Variants in CAP2 observed in about 807,000 individuals in gnomAD.
CAP2 encodes adenylyl cyclase-associated protein 2.
In CAP2, 24 loss-of-function variants were observed where a neutral mutation model predicts 57.7. The ratio of observed to expected loss-of-function variants is 0.42; its 90% CI spans 0.30 to 0.58. The LOEUF (loss-of-function observed/expected upper bound fraction) is 0.58, where lower values mean the gene tolerates loss of function less well. Among genes scored for constraint, CAP2 ranks in the 20% least tolerant of loss-of-function variants. The pLI, the probability that CAP2 is intolerant of heterozygous loss-of-function variation, is 0.22. For synonymous variants in CAP2, 194 were observed against 207.2 expected (o/e 0.94, Z 0.55); for missense variants, 501 against 590.3 (o/e 0.85, Z 1.57).
chr6:17,482,381 C>T (rs892975775), intron 4 of CAP2, among the ~76,000 whole-genome samples: 9 of 151,790 alleles, frequency 5.9e-5, no homozygotes, highest in African/African-American at 1.7e-4. Flanking sequence ...TGGTGGCGTG[C>T]GCCTGTAGTC....
chr6:17,466,554 C>T (rs1760869456), intron 4 of CAP2, among the ~76,000 whole-genome samples: 1 of 152,210 alleles, frequency 6.6e-6, no homozygotes, highest in Admixed American at 6.5e-5. Context: ...ACCACTGCTT[C>T]TCAAACTTCA....
chr6:17,541,204 C>A, intron 9 of CAP2, 56 bp downstream of exon 9: 1 of 1,343,452 alleles, frequency 7.4e-7, no homozygotes, highest in South Asian at 1.4e-5. Flanking sequence ...AAAGGACCAA[C>A]AGCCAAACCA....
chr6:17,539,205 G>A (rs1762842419), intron 7 of CAP2, 64 bp from the exon 8 acceptor site: 43 of 1,492,754 alleles, frequency 2.9e-5, no homozygotes, highest in Non-Finnish European at 3.6e-5. Flanking sequence ...CGACTCTCTC[G>A]GGCAAAATCC....
Position 17,491,012 on chromosome 6 carries a change from C to T in CAP2, c.301-16157C>T, listed in dbSNP as rs369154526. ...TGGGTAAACCACAGGACGTGTGCTA[C>T]TAAAAGAAATCTGTTTCTCTTTCAT... is the stretch of plus-strand genomic sequence containing the variant. On this transcript the variant is annotated intron_variant, in intron 4 of 12. Transcript: ENST00000229922. 1.1e-4 allele frequency among the ~76,000 whole-genome samples: 17 copies of T among 152,316 alleles called. No individual in the cohort carries two copies. The South Asian group carries it at 3.5e-3, about 32-fold the overall frequency.
intron 4 of CAP2, among the ~76,000 whole-genome samples, chr6:17,502,638 T>G (rs1761855522): frequency 6.6e-6 from 1 of 152,156 alleles, no homozygotes; most frequent in Non-Finnish European, 1.5e-5. Context: ...CTCTGTCTCC[T>G]CAGACTTTAG....
At chr6:17,401,521 G>T (rs912439654) in intron 1 of CAP2, among the ~76,000 whole-genome samples, 5 of 152,132 alleles carry the variant, frequency 3.3e-5, no homozygotes, top group African/African-American at 1.2e-4. Flanking sequence ...TCCTGGTATT[G>T]CTACTCACCC....
chr6:17,517,451 CTTA>C (rs1245745533), intron 7 of CAP2, among the ~76,000 whole-genome samples: 1 of 152,162 alleles, frequency 6.6e-6, no homozygotes, highest in African/African-American at 2.4e-5. Context: ...AAAGTGAATA[CTTA>C]TTATGTTCAA....
At chr6:17,534,281 T>C (rs1762717847) in intron 7 of CAP2, among the ~76,000 whole-genome samples, 1 of 152,252 alleles carries the variant, frequency 6.6e-6, no homozygotes, top group Non-Finnish European at 1.5e-5. Context: ...ATTCTGATAA[T>C]TTACAAGTAA....
intron 1 of CAP2, among the ~76,000 whole-genome samples, chr6:17,410,526 A>G (rs903251816): frequency 6.6e-5 from 10 of 151,884 alleles, no homozygotes; most frequent in Admixed American, 5.2e-4. Context: ...TTTCACCACC[A>G]CTTCTGACCA....
chr6:17,438,584 G>A (rs1453235840), intron 3 of CAP2, among the ~76,000 whole-genome samples: 6 of 144,152 alleles, frequency 4.2e-5, no homozygotes, highest in Admixed American at 1.4e-4. Flanking sequence ...GACTACAGGC[G>A]CCCACAACCA....
chr6:17,506,490 A>G (rs11963904), intron 4 of CAP2, among the ~76,000 whole-genome samples: 1 of 152,168 alleles, frequency 6.6e-6, no homozygotes, highest in South Asian at 2.1e-4. Context: ...TAAAAATAAA[A>G]TTATCTGGGC....
chr6:17,464,305 G>A (rs991188065), intron 4 of CAP2, among the ~76,000 whole-genome samples: 5 of 152,140 alleles, frequency 3.3e-5, no homozygotes, highest in African/African-American at 1.2e-4. Context: ...AATAAATTGA[G>A]CATATGTTAT....
At chr6:17,483,526 G>A (rs538515445) in intron 4 of CAP2, among the ~76,000 whole-genome samples, 23 of 152,276 alleles carry the variant, frequency 1.5e-4, no homozygotes, top group African/African-American at 4.6e-4. Flanking sequence ...ACAAGGTGAC[G>A]TCAAAGGACA....
chr6:17,524,893 CTTTT>C (rs11325666), intron 7 of CAP2, among the ~76,000 whole-genome samples: 3 of 109,618 alleles, frequency 2.7e-5, no homozygotes, highest in African/African-American at 3.6e-5. Context: ...CTTTTCTTTT[CTTTT>C]TTTTTTTTTT....
intron 10 of CAP2, 32 bp from the exon 11 acceptor site, chr6:17,543,029 T>G (rs774807895): frequency 6.2e-7 from 1 of 1,612,432 alleles, no homozygotes; most frequent in Admixed American, 1.7e-5. Flanking sequence ...TTTAGTGGAG[T>G]TGGTTTTTTG....
intron 1 of CAP2, among the ~76,000 whole-genome samples, chr6:17,414,066 A>AG (rs1248395274): frequency 6.6e-6 from 1 of 152,094 alleles, no homozygotes; most frequent in Non-Finnish European, 1.5e-5. Flanking sequence ...AAAAAAAAAA[A>AG]AAGAGTTTAA....
rs1760770800 is a variant in CAP2, at chr6:17,463,097, A to G, written c.300+24A>G. The G allele has an allele frequency of 2.6e-6, 4 of 1,533,648 alleles. No homozygotes were observed. In the East Asian group the frequency reaches 9.0e-5, roughly 34 times the overall value. On this transcript the variant is annotated intron_variant, in intron 4 of 12. Coordinates refer to ENST00000229922, the MANE Select transcript of CAP2 (RefSeq NM_006366.3). ...AGGTAAGAGAGTGTCCTGAGAGGGA[A>G]GGTGTCCCAGGGTATGCGCAGTGTA...
At chr6:17,397,626 C>T (rs1004318542) in intron 1 of CAP2, among the ~76,000 whole-genome samples, 4 of 128,616 alleles carry the variant, frequency 3.1e-5, no homozygotes, top group Non-Finnish European at 6.2e-5. Flanking sequence ...ACCCGGGAGG[C>T]GGGGCTTGCA....
chr6:17,541,201 C>A, intron 9 of CAP2, 53 bp downstream of exon 9: 2 of 1,388,422 alleles, frequency 1.4e-6, no homozygotes, highest in Non-Finnish European at 2.0e-6. Flanking sequence ...ATGAAAGGAC[C>A]AACAGCCAAA....
Sources: gnomAD v4.1 joint callset for allele counts (sites outside exome capture counted in the v4.1 genomes callset) on GRCh38, gnomAD v4.1.1 for gene constraint, MANE v1.5 for transcripts, NCBI Gene and HGNC (gene_info 2026-07-23, HGNC 2026-07-21) for gene names.